COL1A1: variants seen among roughly 807,000 people sequenced by gnomAD.
COL1A1 encodes collagen type I alpha 1 chain.
In COL1A1, 21 loss-of-function variants were observed where a neutral mutation model predicts 195.7. That is an observed-to-expected ratio of 0.11 (90% CI 0.08 to 0.15). The LOEUF (loss-of-function observed/expected upper bound fraction) is 0.15, where lower values mean the gene tolerates loss of function less well. COL1A1 is among the 10% of genes least tolerant of loss of function. COL1A1 has a pLI of 1.00. For synonymous variants in COL1A1, 749 were observed against 747.3 expected (o/e 1.00, Z -0.04); for missense variants, 1,365 against 2,051.0 (o/e 0.67, Z 6.46).
At chr17:50,196,591 A>G in intron 12 of COL1A1, 26 bp downstream of exon 12, 2 of 1,614,114 alleles carry the variant, frequency 1.2e-6, no homozygotes, top group Non-Finnish European at 1.7e-6. Context: ...GATGTGGAGG[A>G]CCATGATGTT....
In COL1A1 at chr17:50,190,846, G is replaced by A; in HGVS notation, c.2314C>T (p.Pro772Ser). The A allele has an allele frequency of 6.2e-7, 1 of 1,613,754 alleles. No homozygotes were observed. Among genetic ancestry groups the A allele is most frequent in the Non-Finnish European group, 8.5e-7 (1 of 1,179,752 alleles). Residue 772 changes from proline to serine, a missense_variant, in exon 33 of 51, where the codon CCT (proline) becomes TCT (serine). Pro to Ser is a moderately conservative substitution (Grantham distance 74). Coordinates refer to ENST00000225964, the MANE Select transcript of COL1A1 (RefSeq NM_000088.4). This position sits in a 1 kb window ranked among gnomAD's most constrained non-coding sequence, Gnocchi z 4.7. Reference sequence around the variant, plus strand: ...TCACCAGGGGCACCAGCAGGGCCAGGAGGACCAATGGGGCCAGTCAGACCA... The same window carrying A: ...TCACCAGGGGCACCAGCAGGGCCAGAAGGACCAATGGGGCCAGTCAGACCA... The part of the protein sequence containing the change: ...VRGLTGPIGP[P>S]GPAGAPGDKG...
In COL1A1 at chr17:50,201,398, G is replaced by C. The variant is rs775514708; in HGVS notation, c.103+13C>G. 4.3e-6 allele frequency: 7 copies of C among 1,612,602 alleles called. No individual in the cohort carries two copies. The highest frequency in any genetic ancestry group is 5.9e-6 in the Non-Finnish European group (7 of 1,179,288). On this transcript the variant is annotated intron_variant, in intron 1 of 50. Transcript: ENST00000225964. ...ATAGAGTATCCTTGCACTCCCAAAA[G>C]TTTGGGACTTACTGTCTTCGTCTTG...
intron 50 of COL1A1, 28 bp downstream of exon 50, chr17:50,185,750 G>T (rs1049551573): frequency 1.2e-6 from 2 of 1,612,662 alleles, no homozygotes; most frequent in Non-Finnish European, 1.7e-6. Flanking sequence ...GAGAGGTGGG[G>T]CCCTGCCTGG....
At chr17:50,187,707 G>A in intron 45 of COL1A1, 169 bp downstream of exon 45, 1 of 917,100 alleles carries the variant, frequency 1.1e-6, no homozygotes, top group South Asian at 1.5e-5. Context: ...CCCTCTCTGT[G>A]TACCCCTCAC....
chr17:50,196,025 A>G (rs1345715822), intron 15 of COL1A1, 49 bp from the exon 16 acceptor site: 1 of 1,601,008 alleles, frequency 6.2e-7, no homozygotes, highest in South Asian at 1.1e-5. Flanking sequence ...TGGCAGCTGC[A>G]AGTCACACCC....
At position 50,195,735 on chromosome 17, in the gene COL1A1, A is replaced by G; in HGVS notation, c.1057-70T>C. The G allele has an allele frequency of 6.8e-7, 1 of 1,480,926 alleles. No individual in the cohort carries two copies. The highest frequency in any genetic ancestry group is 1.4e-5 in the African/African-American group (1 of 72,400). 91.7% of individuals were successfully genotyped at this position (1,480,926 alleles called of 1,614,324 possible). A position where few individuals can be genotyped will look rare whatever the true frequency, so the allele number is the denominator to read the frequency against. On this transcript the variant is annotated intron_variant, in intron 16 of 50. Transcript: ENST00000225964. This position sits in a 1 kb window ranked among gnomAD's most constrained non-coding sequence, Gnocchi z 4.3. ...CAACCTTGCCTCTCGGGATGGCAGG[A>G]GGAAGGGGAGACAGGGACAGGAGAG...
intron 1 of COL1A1, among the ~76,000 whole-genome samples, chr17:50,200,465 A>G (rs1907989540): frequency 1.3e-5 from 2 of 152,036 alleles, no homozygotes; most frequent in African/African-American, 4.8e-5. Flanking sequence ...GGCCCCCCCA[A>G]GACTTGAAAT....
At chr17:50,191,008 G>A in intron 32 of COL1A1, 84 bp from the exon 33 acceptor site, 3 of 1,296,912 alleles carry the variant, frequency 2.3e-6, no homozygotes, top group Non-Finnish European at 3.3e-6. Context: ...GGTTTCCTGA[G>A]AGGCCCTCTG....
At chr17:50,201,320 C>T in intron 1 of COL1A1, 91 bp downstream of exon 1, 3 of 1,157,764 alleles carry the variant, frequency 2.6e-6, no homozygotes, top group African/African-American at 3.0e-5. Flanking sequence ...GTCTCCGGAT[C>T]ATCCACGTCT....
At chr17:50,191,251 G>A (rs1907049952) in intron 32 of COL1A1, 132 bp downstream of exon 32, 4 of 907,358 alleles carry the variant, frequency 4.4e-6, no homozygotes, top group Non-Finnish European at 5.4e-6. Flanking sequence ...AAGGCCAGAG[G>A]GGAAAGGGGA....
chr17:50,195,416 G>A lies in COL1A1; in HGVS notation c.1200+18C>T, dbSNP rs770748533. 2 of 1,613,994 alleles carry A rather than the reference G, an allele frequency of 1.2e-6. No homozygotes were observed. The highest frequency in any genetic ancestry group is 2.2e-5 in the South Asian group (2 of 91,092). On this transcript the variant is annotated intron_variant, in intron 18 of 50. Coordinates refer to ENST00000225964, the MANE Select transcript of COL1A1 (RefSeq NM_000088.4). This position sits in a 1 kb window ranked among gnomAD's most constrained non-coding sequence, Gnocchi z 4.3. ...TGCAGGCGGCAGGAGTGGGACTGAA[G>A]CCTGGCAGGATACTTACATTGGCAC...
Position 50,189,594 on chromosome 17 carries a change from G to A in COL1A1, c.2668-56C>T. 1 of 1,612,192 alleles carries A rather than the reference G, an allele frequency of 6.2e-7. No individual in the cohort carries two copies. Among genetic ancestry groups the A allele is most frequent in the South Asian group, 1.1e-5 (1 of 91,018 alleles). ...CCAGGGGGCTCTGGTGCATCATTGG[G>A]TCCTCAGTCAGCCCCACCATCCTTC... On this transcript the variant is annotated intron_variant, in intron 38 of 50. Transcript: ENST00000225964. This position sits in a 1 kb window ranked among gnomAD's most constrained non-coding sequence, Gnocchi z 5.5.
chr17:50,184,585 T>C lies in COL1A1; in HGVS notation c.*917A>G, dbSNP rs1906309268. 4.4e-6 allele frequency: 1 copy of C among 224,902 alleles called. No individual in the cohort carries two copies. The highest frequency in any genetic ancestry group is 5.7e-5 in the Admixed American group (1 of 17,424). 13.9% of individuals were successfully genotyped at this position (224,902 alleles called of 1,614,324 possible). The stretch of plus-strand genomic sequence containing the variant: ...TCTCAATTTCTATAGCACCAGTGAT[T>C]CCCTCCCCACCCCACCCATCACATA... On this transcript the variant is annotated 3_prime_UTR_variant, in exon 51 of 51. Transcript: ENST00000225964.
intron 1 of COL1A1, 149 bp downstream of exon 1, chr17:50,201,262 T>G: frequency 1.3e-6 from 1 of 776,500 alleles, no homozygotes; most frequent in Non-Finnish European, 2.1e-6. Flanking sequence ...CTCCCTCCTG[T>G]CTCAGGGCGC....
Position 50,188,005 on chromosome 17 carries a change from A to G in COL1A1, c.3262-22T>C. The stretch of plus-strand genomic sequence containing the variant: ...GTCCCTAGAAGAGAGAAAGGGACAA[A>G]CTGTCAGGCGGAAGTTCCATTGGCA... On this transcript the variant is annotated intron_variant, in intron 44 of 50. Coordinates refer to ENST00000225964, the MANE Select transcript of COL1A1 (RefSeq NM_000088.4). This position sits in a 1 kb window ranked among gnomAD's most constrained non-coding sequence, Gnocchi z 5.6. 6.2e-7 allele frequency: 1 copy of G among 1,614,004 alleles called. No individual in the cohort carries two copies. Among genetic ancestry groups the G allele is most frequent in the Non-Finnish European group, 8.5e-7 (1 of 1,179,908 alleles).
At chr17:50,196,796 T>C (rs1907632103) in intron 11 of COL1A1, 126 bp from the exon 12 acceptor site, 1 of 1,223,156 alleles carries the variant, frequency 8.2e-7, no homozygotes, top group Non-Finnish European at 1.2e-6. Context: ...TGAGCTAGAC[T>C]AAACCCCAAC....
At chr17:50,197,626 C>T (rs1907708388) in intron 9 of COL1A1, 106 bp downstream of exon 9, 1 of 942,022 alleles carries the variant, frequency 1.1e-6, no homozygotes, top group African/African-American at 1.6e-5. Flanking sequence ...AGGACTTGCC[C>T]TCCTTCCTCT....
Position 50,186,099 on chromosome 17 carries a change from C to A in COL1A1, c.4006-79G>T, listed in dbSNP as rs572670351. 3.8e-6 allele frequency: 6 copies of A among 1,588,192 alleles called. 1 individual carries two copies. In the Admixed American group the frequency reaches 8.6e-5, roughly 23 times the overall value. ...CCTGCCTGGCCTCCCTGTCCAGGGT[C>A]CTCAGAGAGCTGCCCAATGCACCGT... On this transcript the variant is annotated intron_variant, in intron 49 of 50. Coordinates refer to ENST00000225964, the MANE Select transcript of COL1A1 (RefSeq NM_000088.4). This position sits in a 1 kb window ranked among gnomAD's most constrained non-coding sequence, Gnocchi z 5.3.
At chr17:50,198,860 A>G (rs956521031) in intron 5 of COL1A1, among the ~76,000 whole-genome samples, 12 of 152,318 alleles carry the variant, frequency 7.9e-5, no homozygotes, top group African/African-American at 2.9e-4. Flanking sequence ...GAATCTATAA[A>G]GGACATTATC....
Sources: allele counts gnomAD v4.1 joint callset (sites outside exome capture counted in the v4.1 genomes callset), GRCh38; gene constraint gnomAD v4.1.1; non-coding constraint Gnocchi (gnomAD v3.1); transcripts MANE v1.5; gene names NCBI Gene and HGNC (gene_info 2026-07-23, HGNC 2026-07-21).